RASAL2: variants seen among roughly 807,000 people sequenced by gnomAD.
RASAL2 encodes ras GTPase-activating protein nGAP.
A neutral mutation model predicts 128.9 loss-of-function variants in RASAL2; 58 were observed. The ratio of observed to expected loss-of-function variants is 0.45; its 90% CI spans 0.36 to 0.56. RASAL2 has a LOEUF of 0.56. Among genes scored for constraint, RASAL2 ranks in the 20% least tolerant of loss-of-function variants. RASAL2 has a pLI of 0.00. For missense variants in RASAL2, 1,360 were observed against 1,601.6 expected (o/e 0.85, Z 2.57); for synonymous variants, 561 against 580.8 (o/e 0.97, Z 0.49).
intron 1 of RASAL2, among the ~76,000 whole-genome samples, chr1:178,250,424 C>T (rs1050031404): frequency 6.6e-6 from 1 of 152,162 alleles, no homozygotes; most frequent in Admixed American, 6.5e-5. Flanking sequence ...CGCCCCAACC[C>T]CACCAAGCTT....
chr1:178,194,814 C>G (rs575045176), intron 1 of RASAL2: 1 of 152,278 alleles, frequency 6.6e-6, no homozygotes, highest in Non-Finnish European at 1.5e-5. Flanking sequence ...ACCAAACACT[C>G]TGCACCTGAC....
intron 2 of RASAL2, among the ~76,000 whole-genome samples, chr1:178,297,096 C>A (rs1667550755): frequency 6.6e-6 from 1 of 151,590 alleles, no homozygotes; most frequent in Admixed American, 6.6e-5. Flanking sequence ...TTGGAAGATA[C>A]ATAATTTTTA....
chr1:178,421,652 CT>C (rs966138227), intron 5 of RASAL2, among the ~76,000 whole-genome samples: 5 of 150,918 alleles, frequency 3.3e-5, no homozygotes, highest in Admixed American at 1.3e-4. Context: ...TTATGTTTTA[CT>C]TTTTTTTTCC....
intron 9 of RASAL2, among the ~76,000 whole-genome samples, chr1:178,450,437 C>T (rs145933477): frequency 6.6e-6 from 1 of 152,144 alleles, no homozygotes; most frequent in African/African-American, 2.4e-5. Context: ...ACTTTCCTTT[C>T]TGTATACCAC....
chr1:178,254,981 G>GA (rs1464818566), intron 1 of RASAL2, among the ~76,000 whole-genome samples: 5 of 147,146 alleles, frequency 3.4e-5, no homozygotes, highest in Admixed American at 6.8e-5. Context: ...CTCTGTGGGG[G>GA]AAAAAAAAAG....
chr1:178,395,652 A>G (rs1287267921), intron 4 of RASAL2, among the ~76,000 whole-genome samples: 1 of 151,778 alleles, frequency 6.6e-6, no homozygotes, highest in Non-Finnish European at 1.5e-5. Context: ...CTTAAAACTT[A>G]TTTCCCATGA....
chr1:178,156,763 T>A (rs1377775622), intron 1 of RASAL2, among the ~76,000 whole-genome samples: 1 of 152,138 alleles, frequency 6.6e-6, no homozygotes, highest in Non-Finnish European at 1.5e-5. Flanking sequence ...TATTCTTTTT[T>A]AAAAAACACA....
At chr1:178,346,405 A>G (rs1331873649) in intron 3 of RASAL2, among the ~76,000 whole-genome samples, 1 of 147,606 alleles carries the variant, frequency 6.8e-6, no homozygotes, top group African/African-American at 2.5e-5. Flanking sequence ...TGTATCTTTA[A>G]AAAAAAAAAA....
intron 1 of RASAL2, among the ~76,000 whole-genome samples, chr1:178,161,520 A>T (rs1262118751): frequency 6.6e-6 from 1 of 152,230 alleles, no homozygotes; most frequent in Admixed American, 6.5e-5. Context: ...TCATCATTTG[A>T]TGGACATTTG....
Position 178,390,098 on chromosome 1 carries a change from A to C in RASAL2, c.458-2A>C. ...TGTTTCAACTTTCCTCCTTTTTTCC[A>C]GAGGTACCAGCAGAAAGGTCCCCTC... On this transcript the variant is annotated splice_acceptor_variant, in intron 3 of 17. Transcript: ENST00000367649. LOFTEE classifies it high-confidence loss of function. The C allele has an allele frequency of 6.3e-7, 1 of 1,587,336 alleles. No individual in the cohort carries two copies. The highest frequency in any genetic ancestry group is 8.5e-7 in the Non-Finnish European group (1 of 1,169,958).
At chr1:178,285,696 A>G (rs1049144693) in intron 2 of RASAL2, among the ~76,000 whole-genome samples, 4 of 152,232 alleles carry the variant, frequency 2.6e-5, no homozygotes, top group East Asian at 1.9e-4. Context: ...TAATTATCCA[A>G]ACTATTCAAA....
At chr1:178,192,201 A>G (rs1230759113) in intron 1 of RASAL2, among the ~76,000 whole-genome samples, 1 of 152,188 alleles carries the variant, frequency 6.6e-6, no homozygotes, top group Non-Finnish European at 1.5e-5. Flanking sequence ...ACTCTGTGCT[A>G]TCTTTTTTCT....
At chr1:178,386,085 C>T (rs1190049571) in intron 3 of RASAL2, among the ~76,000 whole-genome samples, 2 of 152,176 alleles carry the variant, frequency 1.3e-5, no homozygotes, top group Non-Finnish European at 2.9e-5. Flanking sequence ...GCAGTGTATA[C>T]ACTATTAGGT....
intron 12 of RASAL2, among the ~76,000 whole-genome samples, chr1:178,455,129 T>C (rs1677673319): frequency 1.3e-5 from 2 of 152,160 alleles, no homozygotes; most frequent in African/African-American, 2.4e-5. Flanking sequence ...CTAACAGTCA[T>C]TGTTTTCTTT....
intron 3 of RASAL2, among the ~76,000 whole-genome samples, chr1:178,318,860 C>T (rs1276295783): frequency 1.3e-5 from 2 of 151,576 alleles, no homozygotes; most frequent in East Asian, 3.9e-4. Flanking sequence ...TGATTTTGCT[C>T]GTTAGTTGAT....
At chr1:178,440,956 T>C (rs1424816102) in intron 6 of RASAL2, among the ~76,000 whole-genome samples, 2 of 129,442 alleles carry the variant, frequency 1.5e-5, no homozygotes, top group Non-Finnish European at 3.5e-5. Context: ...TATTTTTTAC[T>C]AACTCAAAGT....
At chr1:178,464,567 G>GGTGTGTGTGTGTGTGTGTGT (rs58822651) in intron 15 of RASAL2, among the ~76,000 whole-genome samples, 155 bp downstream of exon 15, 67 of 145,118 alleles carry the variant, frequency 4.6e-4, no homozygotes, top group African/African-American at 1.4e-3. Context: ...ATAGGTCAGT[G>GGTGTGTGTGTGTGTGTGTGT]GTGTGTGTGT....
chr1:178,472,572 T>A (rs1030019312), intron 17 of RASAL2, among the ~76,000 whole-genome samples: 3 of 152,226 alleles, frequency 2.0e-5, no homozygotes, highest in Non-Finnish European at 4.4e-5. Flanking sequence ...CACCATGTAT[T>A]GTTTTAATTT....
chr1:178,455,241 A>G (rs1677685964), intron 12 of RASAL2, among the ~76,000 whole-genome samples: 1 of 152,198 alleles, frequency 6.6e-6, no homozygotes, highest in African/African-American at 2.4e-5. Context: ...CACCATGCCA[A>G]TCATTTTCTT....
Sources: gnomAD v4.1 joint callset for allele counts (sites outside exome capture counted in the v4.1 genomes callset) on GRCh38, gnomAD v4.1.1 for gene constraint, MANE v1.5 for transcripts, NCBI Gene and HGNC (gene_info 2026-07-23, HGNC 2026-07-21) for gene names.